The following MCOLN1 variants were observed in gnomAD, a reference collection of about 807,000 sequenced individuals.
The protein encoded by MCOLN1 is mucolipin TRP cation channel 1, also known as mucolipin-1.
In MCOLN1, 50 loss-of-function variants were observed where a neutral mutation model predicts 70.3. The ratio of observed to expected loss-of-function variants is 0.71; its 90% CI spans 0.57 to 0.90. The LOEUF is 0.90. MCOLN1 is among the 40% of genes least tolerant of loss of function. The pLI is 0.00. For synonymous variants in MCOLN1, 366 were observed against 341.0 expected, an observed-to-expected ratio of 1.07 and a Z score of -0.81; for missense variants, 598 against 803.5, an observed-to-expected ratio of 0.74 and a Z score of 3.09.
rs191006615 is a variant in MCOLN1, at chr19:7,526,727, C to T, written c.406-34C>T. The T allele has an allele frequency of 1.4e-3, 2,216 of 1,611,374 alleles. 6 individuals are homozygous for T. The highest frequency in any genetic ancestry group is 2.1e-3 in the Admixed American group (126 of 59,966). On this transcript the variant is annotated intron_variant, in intron 3 of 13. Transcript: ENST00000264079. The surrounding 1 kb of genome is among the most constrained non-coding windows in gnomAD (Gnocchi z 4.6). ...GGTGGGTGGGCTGCAGAGAGCGGGC[C>T]GGACTCACAGGCCCTCCCCTTCTCT...
rs2022717340 is a variant in MCOLN1 at position 7,533,932 on chromosome 19, C to A, written c.*137C>A. On this transcript the variant is annotated 3_prime_UTR_variant, in exon 14 of 14. Coordinates refer to ENST00000264079, the MANE Select transcript of MCOLN1 (RefSeq NM_020533.3). ...CGAGGAGGGCCTGGACCTTTCGTGT[C>A]GGACCCTTGGGGGCGGGGAGACTGG... 7 of 1,007,446 alleles carry A rather than the reference C, an allele frequency of 6.9e-6. No homozygotes were observed. Among genetic ancestry groups the A allele is most frequent in the South Asian group, 6.8e-5 (5 of 73,848 alleles). 62.4% of individuals were successfully genotyped at this position (1,007,446 alleles called of 1,614,324 possible).
At position 7,528,231 on chromosome 19, in the gene MCOLN1, G is replaced by A. The variant is rs1170079048; in HGVS notation, c.851G>A (p.Cys284Tyr). The A allele has an allele frequency of 6.2e-7, 1 of 1,614,084 alleles. No individual in the cohort carries two copies. Among genetic ancestry groups the A allele is most frequent in the South Asian group, 1.1e-5 (1 of 91,080 alleles). Residue 284 changes from cysteine to tyrosine, a missense_variant, in exon 7 of 14, where the codon TGT becomes TAT. This residue lies in a region of MCOLN1 where 461 missense variants were observed against 588.4 expected (regional missense o/e 0.78). Coordinates refer to ENST00000264079, the MANE Select transcript of MCOLN1 (RefSeq NM_020533.3). This position sits in a 1 kb window ranked among gnomAD's most constrained non-coding sequence, Gnocchi z 4.2. ...GAGACCCAGGCCCACATCCAGGAGT[G>A]TAAGCACCCCAGTGTCTTCCAGCAC... The part of the protein sequence containing the change: ...SLETQAHIQE[C>Y]KHPSVFQHGD...
chr19:7,531,348 G>A (rs933736017), intron 12 of MCOLN1, among the ~76,000 whole-genome samples: 10 of 150,868 alleles, frequency 6.6e-5, no homozygotes, highest in African/African-American at 2.2e-4. Flanking sequence ...TTACTTGCAC[G>A]TGCCACCACA....
rs1239828364 is a variant in MCOLN1, at chr19:7,529,728, G to A, written c.1359+16G>A. On this transcript the variant is annotated intron_variant, in intron 11 of 13. Transcript: ENST00000264079. The stretch of plus-strand genomic sequence containing the variant: ...TCATGTGAAGGTACATCTAACCCCT[G>A]ATGTCCCTGACATTGACCCTGTGAC... 1 of 1,613,750 alleles carries A rather than the reference G, an allele frequency of 6.2e-7. No individual in the cohort carries two copies. The highest frequency in any genetic ancestry group is 1.3e-5 in the African/African-American group (1 of 74,898).
rs566321694 is a variant in MCOLN1, at chr19:7,525,350, C to T, written c.237+184C>T. 1.2e-4 allele frequency: 73 copies of T among 611,654 alleles called. No homozygotes were observed. The highest frequency in any genetic ancestry group is 4.4e-4 in the Middle Eastern group (1 of 2,278). The allele number at this position is 611,654 out of a possible 1,614,324, so 37.9% of individuals were successfully genotyped here. ...CTACTAAAAATACAAAAAAATTAGC[C>T]GTGCGTGGTGGCGGGTGCCTGTAAT... On this transcript the variant is annotated intron_variant, in intron 2 of 13. Coordinates refer to ENST00000264079, the MANE Select transcript of MCOLN1 (RefSeq NM_020533.3). This position sits in a 1 kb window ranked among gnomAD's most constrained non-coding sequence, Gnocchi z 4.2.
At position 7,528,446 on chromosome 19, in the gene MCOLN1, G is replaced by T; in HGVS notation, c.878-151G>T. The T allele has an allele frequency of 2.7e-6, 3 of 1,099,204 alleles. No homozygotes were observed. The highest frequency in any genetic ancestry group is 4.0e-6 in the Non-Finnish European group (3 of 751,364). 68.1% of individuals were successfully genotyped at this position (1,099,204 alleles called of 1,614,324 possible). On this transcript the variant is annotated intron_variant, in intron 7 of 13. Transcript: ENST00000264079. This position sits in a 1 kb window ranked among gnomAD's most constrained non-coding sequence, Gnocchi z 4.2. ...AAGCCCCAGACCAGCACTGACCGGG[G>T]TTCTTGACTCACCCCAAGCAAGCCC...
At position 7,524,944 on chromosome 19, in the gene MCOLN1, C is replaced by A. The variant is rs1432627146; in HGVS notation, c.32-17C>A. 1.9e-6 allele frequency: 3 copies of A among 1,611,246 alleles called. No homozygotes were observed. The African/African-American group carries it at 4.0e-5, about 22-fold the overall frequency. On this transcript the variant is annotated splice_polypyrimidine_tract_variant and intron_variant, in intron 1 of 13. Transcript: ENST00000264079. The surrounding 1 kb of genome is among the most constrained non-coding windows in gnomAD (Gnocchi z 4.1). ...GTTGCCCAGGCCTCACCCCAGTGCCCTCTCCTATTCCCACAGAGACCGAGC... is the reference window on the plus strand; with the variant it reads ...GTTGCCCAGGCCTCACCCCAGTGCCATCTCCTATTCCCACAGAGACCGAGC...
At position 7,522,704 on chromosome 19, in the gene MCOLN1, C is replaced by G; in HGVS notation, c.-47C>G. Reference sequence around the variant, plus strand: ...AGTGACAGCGGCGGGCGATCGGACCCAGGCTGCCCCGCCGTACCCGCCTGC... The same window carrying G: ...AGTGACAGCGGCGGGCGATCGGACCGAGGCTGCCCCGCCGTACCCGCCTGC... On this transcript the variant is annotated 5_prime_UTR_variant, in exon 1 of 14. Coordinates refer to ENST00000264079, the MANE Select transcript of MCOLN1 (RefSeq NM_020533.3). 1 of 1,437,206 alleles carries G rather than the reference C, an allele frequency of 7.0e-7. No individual in the cohort carries two copies. The highest frequency in any genetic ancestry group is 1.4e-5 in the South Asian group (1 of 69,976). 89.0% of individuals were successfully genotyped at this position (1,437,206 alleles called of 1,614,324 possible). A position where few individuals can be genotyped will look rare whatever the true frequency, so the allele number is the denominator to read the frequency against.
chr19:7,530,356 TCGC>T lies in MCOLN1; in HGVS notation c.1435_1437del (p.Ala479del). On this transcript the variant is annotated inframe_deletion, in exon 12 of 14. Coordinates refer to ENST00000264079, the MANE Select transcript of MCOLN1 (RefSeq NM_020533.3). ...AATGGGGACGACATGTTTGTGACGT[TCGC>T]CGCCATGCAGGCGCAGCAGGGCCGC... is the stretch of plus-strand genomic sequence containing the variant. 1 of 1,613,924 alleles carries T rather than the reference TCGC, an allele frequency of 6.2e-7. No homozygotes were observed. Among genetic ancestry groups the T allele is most frequent in the Non-Finnish European group, 8.5e-7 (1 of 1,180,032 alleles).
rs751744948 is a variant in MCOLN1 at position 7,526,955 on chromosome 19, T to C, written c.571+29T>C. 1.9e-6 allele frequency: 3 copies of C among 1,613,598 alleles called. No individual in the cohort carries two copies. Among genetic ancestry groups the C allele is most frequent in the South Asian group, 1.1e-5 (1 of 91,060 alleles). On this transcript the variant is annotated intron_variant, in intron 4 of 13. Coordinates refer to ENST00000264079, the MANE Select transcript of MCOLN1 (RefSeq NM_020533.3). The surrounding 1 kb of genome is among the most constrained non-coding windows in gnomAD (Gnocchi z 4.6). ...AGTGGGCAGGACGAGGCTTCACTGT[T>C]GGGAGCCTGAGCTGCTGGGATTAAA...
rs537445341 is a variant in MCOLN1 at position 7,524,588 on chromosome 19, C to T, written c.32-373C>T. Among the ~76,000 whole-genome samples the T allele has an allele frequency of 1.4e-4, 21 of 152,316 alleles. No individual in the cohort carries two copies. The highest frequency in any genetic ancestry group is 3.4e-3 in the Middle Eastern group (1 of 294). ...ATAACGGGAACATTGATGAAATGTT[C>T]TGACATTCACCATGGACCAGCCCCT... On this transcript the variant is annotated intron_variant, in intron 1 of 13. Transcript: ENST00000264079. This position sits in a 1 kb window ranked among gnomAD's most constrained non-coding sequence, Gnocchi z 4.1.
At position 7,525,674 on chromosome 19, in the gene MCOLN1, C is replaced by T. The variant is rs2022558793; in HGVS notation, c.237+508C>T. On this transcript the variant is annotated intron_variant, in intron 2 of 13. Transcript: ENST00000264079. This position sits in a 1 kb window ranked among gnomAD's most constrained non-coding sequence, Gnocchi z 4.2. ...ACCCTGTGCTGGGCTCTGGGAACCC[C>T]AAGATGAATCAGACCCAGCCACTGC... 5.3e-6 allele frequency: 1 copy of T among 187,722 alleles called. No homozygotes were observed. Among genetic ancestry groups the T allele is most frequent in the African/African-American group, 2.4e-5 (1 of 41,702 alleles). The allele number at this position is 187,722 out of a possible 1,614,324, so 11.6% of individuals were successfully genotyped here. A position where few individuals can be genotyped will look rare whatever the true frequency, so the allele number is the denominator to read the frequency against.
rs977458458 is a variant in MCOLN1, at chr19:7,524,040, T to G, written c.32-921T>G. 4.0e-5 allele frequency among the ~76,000 whole-genome samples: 6 copies of G among 151,568 alleles called. No individual in the cohort carries two copies. Among genetic ancestry groups the G allele is most frequent in the Non-Finnish European group, 7.4e-5 (5 of 67,800 alleles). The stretch of plus-strand genomic sequence containing the variant: ...ACACCTGACTATTTAAAAAAAATGT[T>G]TTTTTTTTGTAGACAGGGAGGTCTC... On this transcript the variant is annotated intron_variant, in intron 1 of 13. Transcript: ENST00000264079. This position sits in a 1 kb window ranked among gnomAD's most constrained non-coding sequence, Gnocchi z 4.1.
rs188652533 is a variant in MCOLN1, at chr19:7,526,052, A to G, written c.238-387A>G. 1 of 332,668 alleles carries G rather than the reference A, an allele frequency of 3.0e-6. No homozygotes were observed. The highest frequency in any genetic ancestry group is 4.3e-5 in the Admixed American group (1 of 23,174). 20.6% of individuals were successfully genotyped at this position (332,668 alleles called of 1,614,324 possible). ...ACTCCAACTTGGGCAACAGAGTGAG[A>G]CTCTGTCTCAAAAAAGAAAAGAAAA... On this transcript the variant is annotated intron_variant, in intron 2 of 13. Coordinates refer to ENST00000264079, the MANE Select transcript of MCOLN1 (RefSeq NM_020533.3). This position sits in a 1 kb window ranked among gnomAD's most constrained non-coding sequence, Gnocchi z 4.6.
chr19:7,527,380 C>T, intron 4 of MCOLN1, 140 bp from the exon 5 acceptor site: 1 of 693,472 alleles, frequency 1.4e-6, no homozygotes, highest in Non-Finnish European at 2.6e-6. Context: ...AGTAAAACAT[C>T]CGCAGGCCCA....
rs755042147 is a variant in MCOLN1 at position 7,528,638 on chromosome 19, CT to C, written c.920del (p.Leu307ProfsTer65). The C allele has an allele frequency of 1.2e-5, 19 of 1,614,114 alleles. No homozygotes were observed. Among genetic ancestry groups the C allele is most frequent in the Non-Finnish European group, 1.6e-5 (19 of 1,180,040 alleles). ...GCTCCTGTTTGACGTGGTGGTCATC[CT>C]CACCTGCTCCCTGTCCTTCCTCCTC... The part of the protein sequence containing the change: ...FRLLFDVVVI[L>X]TCSLSFLLCA... On this transcript the variant is annotated frameshift_variant, in exon 8 of 14. Coordinates refer to ENST00000264079, the MANE Select transcript of MCOLN1 (RefSeq NM_020533.3). LOFTEE classifies it high-confidence loss of function. The surrounding 1 kb of genome is among the most constrained non-coding windows in gnomAD (Gnocchi z 4.2).
rs548728269 is a variant in MCOLN1 at position 7,533,927 on chromosome 19, C to T, written c.*132C>T. 2 of 1,036,504 alleles carry T rather than the reference C, an allele frequency of 1.9e-6. No homozygotes were observed. The highest frequency in any genetic ancestry group is 2.0e-5 in the Admixed American group (1 of 50,458). The allele number at this position is 1,036,504 out of a possible 1,614,324, so 64.2% of individuals were successfully genotyped here. A position where few individuals can be genotyped will look rare whatever the true frequency, so the allele number is the denominator to read the frequency against. ...GCGCCCGAGGAGGGCCTGGACCTTT[C>T]GTGTCGGACCCTTGGGGGCGGGGAG... On this transcript the variant is annotated 3_prime_UTR_variant, in exon 14 of 14. Transcript: ENST00000264079.
At chr19:7,531,304 G>A (rs1599256588) in intron 12 of MCOLN1, among the ~76,000 whole-genome samples, 2 of 151,400 alleles carry the variant, frequency 1.3e-5, no homozygotes, top group South Asian at 4.2e-4. Context: ...GAGTTGAAGC[G>A]ATCCTTGTGC....
intron 12 of MCOLN1, among the ~76,000 whole-genome samples, chr19:7,533,002 G>A (rs2146028773): frequency 6.6e-6 from 1 of 152,336 alleles, no homozygotes; most frequent in Middle Eastern, 3.4e-3. Context: ...GAGGAAGGAA[G>A]CCTTGGCTGG....
Sources: gnomAD v4.1 joint callset for allele counts (sites outside exome capture counted in the v4.1 genomes callset) on GRCh38, gnomAD v4.1.1 for gene constraint, gnomAD v4.1.1 regional missense constraint, Gnocchi (gnomAD v3.1) non-coding constraint, MANE v1.5 for transcripts, NCBI Gene and HGNC (gene_info 2026-07-23, HGNC 2026-07-21) for gene names.